The following PLEKHM3 variants were observed in gnomAD, a reference collection of about 807,000 sequenced individuals.
PLEKHM3 encodes the protein pleckstrin homology domain-containing family M member 3.
PLEKHM3 carries 45 observed loss-of-function variants against 81.8 expected under a neutral mutation model. The ratio of observed to expected loss-of-function variants is 0.55; its 90% CI spans 0.43 to 0.71. The LOEUF is 0.71. PLEKHM3 is among the 30% of genes least tolerant of loss of function. The probability of loss-of-function intolerance (pLI) is 0.00; values close to 1 mark genes in which losing one functional copy is unlikely to be tolerated. For missense variants in PLEKHM3, 788 were observed against 924.3 expected (o/e 0.85, Z 1.91); for synonymous variants, 352 against 356.4 (o/e 0.99, Z 0.14).
chr2:207,941,061 G>A (rs1225970521), intron 4 of PLEKHM3, among the ~76,000 whole-genome samples: 2 of 152,140 alleles, frequency 1.3e-5, no homozygotes, highest in African/African-American at 2.4e-5. Context: ...ATGATTATTG[G>A]GTAGAACTGG....
At chr2:207,961,043 G>A (rs908866566) in intron 3 of PLEKHM3, among the ~76,000 whole-genome samples, 2 of 152,198 alleles carry the variant, frequency 1.3e-5, no homozygotes, top group African/African-American at 4.8e-5. Context: ...GTGTTGAAGA[G>A]GCTGACCCAC....
At chr2:207,876,595 G>C (rs535345969) in intron 6 of PLEKHM3, among the ~76,000 whole-genome samples, 1 of 152,284 alleles carries the variant, frequency 6.6e-6, no homozygotes, top group Non-Finnish European at 1.5e-5. Context: ...AATGACTTAT[G>C]CAGTGTCAAT....
rs144285480 is a variant in PLEKHM3 at position 207,910,422 on chromosome 2, C to T, written c.1887-1845G>A. 1.8e-4 allele frequency among the ~76,000 whole-genome samples: 27 copies of T among 152,314 alleles called. 1 individual carries two copies. The highest frequency in any genetic ancestry group is 6.5e-4 in the African/African-American group (27 of 41,588). On this transcript the variant is annotated intron_variant, in intron 5 of 7. Coordinates refer to ENST00000427836, the MANE Select transcript of PLEKHM3 (RefSeq NM_001080475.3). ...GCCTACAGGAGGTCACTGAGCTTGG[C>T]ACTGGAGATACATCATTTTATCTAA... is the stretch of plus-strand genomic sequence containing the variant.
chr2:208,002,423 C>T (rs1213158501), intron 1 of PLEKHM3, among the ~76,000 whole-genome samples: 1 of 152,112 alleles, frequency 6.6e-6, no homozygotes, highest in Admixed American at 6.5e-5. Context: ...GGAGGTTCTG[C>T]CCTTTTTTTA....
intron 2 of PLEKHM3, among the ~76,000 whole-genome samples, chr2:207,987,882 G>T (rs914357784): frequency 2.6e-5 from 4 of 152,200 alleles, no homozygotes; most frequent in Middle Eastern, 3.4e-3. Context: ...AGCTTCTCAA[G>T]ATCCTGTGGT....
intron 7 of PLEKHM3, among the ~76,000 whole-genome samples, chr2:207,829,001 C>T (rs771921547): frequency 3.3e-5 from 5 of 152,164 alleles, no homozygotes; most frequent in Admixed American, 6.5e-5. Flanking sequence ...TAAAATGACA[C>T]ATTTTCATTT....
intron 6 of PLEKHM3, among the ~76,000 whole-genome samples, chr2:207,882,568 C>G (rs147734069): frequency 3.0e-5 from 4 of 132,714 alleles, no homozygotes; most frequent in African/African-American, 5.7e-5. Flanking sequence ...GCCCAGATCG[C>G]GTCATTGCAC....
intron 1 of PLEKHM3, among the ~76,000 whole-genome samples, chr2:208,024,132 G>C (rs933366020): frequency 9.0e-6 from 1 of 111,490 alleles, no homozygotes; most frequent in Non-Finnish European, 1.8e-5. Flanking sequence ...GACAGAGTAA[G>C]ACCCTGTCTC....
intron 2 of PLEKHM3, among the ~76,000 whole-genome samples, chr2:207,982,702 C>A (rs915758862): frequency 3.3e-5 from 5 of 151,828 alleles, no homozygotes; most frequent in African/African-American, 9.7e-5. Flanking sequence ...CCTCAGCCTC[C>A]TGAGTAGCTG....
At chr2:207,949,030 A>G (rs1018147140) in intron 3 of PLEKHM3, among the ~76,000 whole-genome samples, 1 of 152,186 alleles carries the variant, frequency 6.6e-6, no homozygotes, top group Non-Finnish European at 1.5e-5. Context: ...AATAGCAGAC[A>G]ATCAATAAAT....
chr2:208,011,151 T>C (rs954468292), intron 1 of PLEKHM3, among the ~76,000 whole-genome samples: 5 of 151,180 alleles, frequency 3.3e-5, no homozygotes, highest in African/African-American at 1.2e-4. Context: ...GAATGTAAGA[T>C]AGTACAGCCA....
chr2:207,838,606 G>C (rs1373968614), intron 7 of PLEKHM3, among the ~76,000 whole-genome samples: 1 of 152,150 alleles, frequency 6.6e-6, no homozygotes, highest in Non-Finnish European at 1.5e-5. Context: ...CTAAGTATGT[G>C]TATAAAATTA....
chr2:207,931,236 A>T (rs1001045134), intron 4 of PLEKHM3, 117 bp from the exon 5 acceptor site: 2 of 991,414 alleles, frequency 2.0e-6, no homozygotes, highest in Non-Finnish European at 2.9e-6. Context: ...CAATACAGAC[A>T]AATGAAAAAG....
chr2:207,975,198 A>G (rs1691264456), intron 3 of PLEKHM3, among the ~76,000 whole-genome samples: 2 of 152,044 alleles, frequency 1.3e-5, no homozygotes, highest in Non-Finnish European at 2.9e-5. Context: ...CTGGTCCACA[A>G]TCACTGAGGC....
intron 4 of PLEKHM3, among the ~76,000 whole-genome samples, chr2:207,941,075 C>T (rs1234390456): frequency 6.6e-6 from 1 of 152,154 alleles, no homozygotes; most frequent in Non-Finnish European, 1.5e-5. Flanking sequence ...GAACTGGACA[C>T]AGAGTTGCCC....
chr2:207,867,815 C>T (rs1029615158), intron 6 of PLEKHM3, among the ~76,000 whole-genome samples: 4 of 152,012 alleles, frequency 2.6e-5, no homozygotes, highest in African/African-American at 9.7e-5. Flanking sequence ...CTTTCACTCC[C>T]ACTTCCTAGC....
At chr2:207,841,531 C>G (rs2092354349) in intron 7 of PLEKHM3, among the ~76,000 whole-genome samples, 1 of 122,130 alleles carries the variant, frequency 8.2e-6, no homozygotes, top group African/African-American at 3.0e-5. Context: ...CTTTCTAGTA[C>G]ATTTCTAGTA....
chr2:207,841,565 C>T (rs1481650699), intron 7 of PLEKHM3, among the ~76,000 whole-genome samples: 1 of 134,542 alleles, frequency 7.4e-6, no homozygotes, highest in Non-Finnish European at 1.5e-5. Flanking sequence ...ATTTATTTTA[C>T]ATTAAAATAT....
rs922941580 is a variant in PLEKHM3 at position 207,946,351 on chromosome 2, G to A, written c.1692+16C>T. Reference sequence around the variant, plus strand: ...CTGAATTATTATTATTAAGTGAACTGAGTTTTTGTACCTACCTTATACTTT... The same window carrying A: ...CTGAATTATTATTATTAAGTGAACTAAGTTTTTGTACCTACCTTATACTTT... On this transcript the variant is annotated intron_variant, in intron 4 of 7. Transcript: ENST00000427836. The A allele has an allele frequency of 1.1e-5, 17 of 1,606,790 alleles. No homozygotes were observed. The highest frequency in any genetic ancestry group is 1.7e-5 in the Admixed American group (1 of 59,488).
Sources: gnomAD v4.1 joint callset for allele counts (sites outside exome capture counted in the v4.1 genomes callset) on GRCh38, gnomAD v4.1.1 for gene constraint, MANE v1.5 for transcripts, NCBI Gene and HGNC (gene_info 2026-07-23, HGNC 2026-07-21) for gene names.